KLHL13: variants seen among roughly 807,000 people sequenced by gnomAD.
The protein encoded by KLHL13 is kelch like family member 13.
Under a neutral mutation model 37.1 loss-of-function variants are expected in KLHL13, and 10 were observed. The observed-to-expected ratio is 0.27, with a 90% CI of 0.17 to 0.46. The LOEUF (loss-of-function observed/expected upper bound fraction) is 0.46. KLHL13 is among the 20% of genes least tolerant of loss of function. The probability of loss-of-function intolerance (pLI) is 1.00; values close to 1 mark genes in which losing one functional copy is unlikely to be tolerated. For synonymous variants in KLHL13, 163 were observed against 181.2 expected (o/e 0.90, Z 0.81); for missense variants, 360 against 509.3 (o/e 0.71, Z 2.82).
At chrX:118,012,170 A>T (rs997281032) in intron 1 of KLHL13, among the ~76,000 whole-genome samples, 1 of 111,453 alleles carries the variant, frequency 9.0e-6, no homozygotes, top group African/African-American at 3.3e-5. Context: ...CTTTGTGCTT[A>T]TATCAAGTCA....
chrX:118,109,051 A>T (rs1322062964), intron 1 of KLHL13, among the ~76,000 whole-genome samples: 1 of 112,027 alleles, frequency 8.9e-6, no homozygotes, highest in African/African-American at 3.2e-5. Flanking sequence ...CCTGGGCTCA[A>T]GCAATGCTCC....
chrX:118,099,497 A>C (rs2055258276), intron 1 of KLHL13, among the ~76,000 whole-genome samples: 1 of 111,691 alleles, frequency 9.0e-6, no homozygotes, highest in Non-Finnish European at 1.9e-5. Context: ...AGTTAAGTCC[A>C]AGTGTACACA....
chrX:118,023,721 A>G (rs1264802742), intron 1 of KLHL13, among the ~76,000 whole-genome samples: 1 of 111,152 alleles, frequency 9.0e-6, no homozygotes, highest in Non-Finnish European at 1.9e-5. Context: ...GGTGTGCACC[A>G]CCATGCCTAG....
At chrX:118,026,091 T>C (rs1007171587) in intron 1 of KLHL13, among the ~76,000 whole-genome samples, 4 of 111,302 alleles carry the variant, frequency 3.6e-5, no homozygotes, top group African/African-American at 1.3e-4. Flanking sequence ...TTTCTCTAAT[T>C]GGATTATTAT....
chrX:118,035,648 CA>C (rs1264201395), intron 1 of KLHL13, among the ~76,000 whole-genome samples: 1 of 110,579 alleles, frequency 9.0e-6, no homozygotes. Flanking sequence ...ACTGAATGGG[CA>C]AAAACTGGAA....
upstream of KLHL13, among the ~76,000 whole-genome samples, chrX:117,978,354 A>G (rs1274185714): frequency 2.7e-5 from 3 of 111,820 alleles, no homozygotes; most frequent in Non-Finnish European, 5.6e-5. Context: ...CATTTCCTTA[A>G]GATAAGAAGG....
At chrX:117,991,946 T>G (rs2053797681) in intron 1 of KLHL13, among the ~76,000 whole-genome samples, 1 of 105,631 alleles carries the variant, frequency 9.5e-6, no homozygotes, top group Admixed American at 1.0e-4. Context: ...TGCCAGAAAT[T>G]CCAGCAATTA....
chrX:118,052,806 G>A (rs905792234), intron 1 of KLHL13, among the ~76,000 whole-genome samples: 7 of 108,410 alleles, frequency 6.5e-5, no homozygotes, highest in Non-Finnish European at 9.5e-5. Context: ...CAGTCAGGCC[G>A]ACAGAGCAAG....
chrX:118,085,068 C>T (rs1329827548), intron 1 of KLHL13, among the ~76,000 whole-genome samples: 1 of 110,006 alleles, frequency 9.1e-6, no homozygotes, highest in Non-Finnish European at 1.9e-5. Flanking sequence ...ATAACACACA[C>T]AAAATTATAC....
intron 1 of KLHL13, among the ~76,000 whole-genome samples, chrX:118,080,618 C>T (rs2054980763): frequency 9.0e-6 from 1 of 111,493 alleles, no homozygotes; most frequent in African/African-American, 3.2e-5. Flanking sequence ...CAACAGATGT[C>T]AGTGAGGCTG....
chrX:117,909,726 T>C, exon 5 of KLHL13: 1 of 1,212,142 alleles, frequency 8.2e-7, no homozygotes, highest in Non-Finnish European at 1.1e-6. Context: ...ATTGCTGGCT[T>C]CCAAAAGCAA....
At chrX:117,903,790 C>G (rs752266605) in intron 5 of KLHL13, among the ~76,000 whole-genome samples, 7 of 110,724 alleles carry the variant, frequency 6.3e-5, no homozygotes, top group Non-Finnish European at 1.1e-4. Context: ...TCTTCATCTG[C>G]TTGAAGCCAA....
intron 1 of KLHL13, 24 bp from the exon 2 acceptor site, chrX:118,028,521 A>G: frequency 1.4e-6 from 1 of 710,267 alleles, no homozygotes; most frequent in East Asian, 3.5e-5. Context: ...AAAGAAGCCA[A>G]TATTTACTAT....
exon 5 of KLHL13, chrX:117,909,961 G>C (rs759624828): frequency 1.5e-5 from 18 of 1,209,962 alleles, no homozygotes; most frequent in Non-Finnish European, 2.0e-5. Flanking sequence ...CGCTCAAAAG[G>C]GAGTTTCAAG....
chrX:117,965,037 G>A (rs1486115288), intron 1 of KLHL13, among the ~76,000 whole-genome samples: 6 of 111,618 alleles, frequency 5.4e-5, no homozygotes, highest in South Asian at 7.5e-4. Context: ...GAATAATGCC[G>A]CAATAAACAT....
intron 1 of KLHL13, among the ~76,000 whole-genome samples, chrX:117,950,446 G>C (rs1933531645): frequency 1.8e-5 from 2 of 111,508 alleles, no homozygotes; most frequent in South Asian, 7.6e-4. Context: ...CAGCCTGGGT[G>C]AAAGAGTGAA....
At chrX:117,953,730 G>A (rs1200557121) in intron 1 of KLHL13, among the ~76,000 whole-genome samples, 1 of 110,852 alleles carries the variant, frequency 9.0e-6, no homozygotes, top group Non-Finnish European at 1.9e-5. Context: ...GACAGTAGAG[G>A]CTATAAGTCA....
chrX:117,900,117 T>C (rs954509945), intron 6 of KLHL13, among the ~76,000 whole-genome samples: 17 of 112,136 alleles, frequency 1.5e-4, no homozygotes, highest in Admixed American at 1.5e-3. Context: ...ATTTAGTCTG[T>C]ATCATCTACA....
intron 1 of KLHL13, among the ~76,000 whole-genome samples, chrX:118,072,113 T>C (rs1182107015): frequency 5.5e-5 from 6 of 109,352 alleles, no homozygotes; most frequent in African/African-American, 2.0e-4. Context: ...AACAGCATGG[T>C]ACTGGTACCA....
Sources: allele counts gnomAD v4.1 joint callset (sites outside exome capture counted in the v4.1 genomes callset), GRCh38; gene constraint gnomAD v4.1.1; transcripts MANE v1.5; gene names NCBI Gene and HGNC (gene_info 2026-07-23, HGNC 2026-07-21).